Variants in AIRE observed in about 807,000 individuals in gnomAD.
The protein encoded by AIRE is autoimmune regulator.
Under a neutral mutation model 62.1 loss-of-function variants are expected in AIRE, and 52 were observed. The ratio of observed to expected loss-of-function variants is 0.84; its 90% CI spans 0.67 to 1.06. AIRE has a LOEUF of 1.06. Among genes scored for constraint, AIRE ranks in the 50% least tolerant of loss-of-function variants. AIRE has a pLI of 0.00. For synonymous variants in AIRE, 342 were observed against 321.6 expected, an observed-to-expected ratio of 1.06 and a Z score of -0.68; for missense variants, 774 against 755.8, an observed-to-expected ratio of 1.02 and a Z score of -0.28.
Position 44,286,080 on chromosome 21 carries a change from C to G in AIRE, c.74C>G (p.Ala25Gly), listed in dbSNP as rs1398217393. 6.5e-7 allele frequency: 1 copy of G among 1,545,158 alleles called. No homozygotes were observed. The highest frequency in any genetic ancestry group is 2.4e-5 in the East Asian group (1 of 40,884). ...RTEIAVAVDS[A>G]FPLLHALADH... ...GAGATCGCGGTGGCCGTGGACAGCG[C>G]CTTCCCACTGCTGCACGCGCTGGCT... The change falls in exon 1 of 14, where the codon GCC (alanine) becomes GGC (glycine). Residue 25 changes from alanine to glycine, a missense_variant. Transcript: ENST00000291582. This position sits in a 1 kb window ranked among gnomAD's most constrained non-coding sequence, Gnocchi z 6.0.
In AIRE at chr21:44,287,484, G is replaced by T; in HGVS notation, c.464-33G>T. 1.3e-6 allele frequency: 2 copies of T among 1,518,874 alleles called. No individual in the cohort carries two copies. Among genetic ancestry groups the T allele is most frequent in the Non-Finnish European group, 1.8e-6 (2 of 1,119,490 alleles). 94.1% of individuals were successfully genotyped at this position (1,518,874 alleles called of 1,614,324 possible). A position where few individuals can be genotyped will look rare whatever the true frequency, so the allele number is the denominator to read the frequency against. On this transcript the variant is annotated intron_variant, in intron 3 of 13. Coordinates refer to ENST00000291582, the MANE Select transcript of AIRE (RefSeq NM_000383.4). This position sits in a 1 kb window ranked among gnomAD's most constrained non-coding sequence, Gnocchi z 4.3. ...ACCGGCACTCACCCCCACTGAGAGG[G>T]GAGGCCAGGCTGCCCCCAGCTCCCC... is the stretch of plus-strand genomic sequence containing the variant.
chr21:44,286,766 T>G lies in AIRE; in HGVS notation c.307+35T>G, dbSNP rs763094492. ...GGTGGACTCAGCCATGCTGGGGGCC[T>G]GGGGCAGCTGCTGTCACCTGCTCAG... is the stretch of plus-strand genomic sequence containing the variant. On this transcript the variant is annotated intron_variant, in intron 2 of 13. Transcript: ENST00000291582. This position sits in a 1 kb window ranked among gnomAD's most constrained non-coding sequence, Gnocchi z 6.0. 2.8e-5 allele frequency: 45 copies of G among 1,608,996 alleles called. No homozygotes were observed. The highest frequency in any genetic ancestry group is 3.3e-4 in the Middle Eastern group (2 of 6,072).
rs376509445 is a variant in AIRE at position 44,297,452 on chromosome 21, T to C, written c.1567-204T>C. On this transcript the variant is annotated intron_variant, in intron 13 of 13. Coordinates refer to ENST00000291582, the MANE Select transcript of AIRE (RefSeq NM_000383.4). The surrounding 1 kb of genome is among the most constrained non-coding windows in gnomAD (Gnocchi z 4.8). ...GTGCCATGGGGACCTTGGGCCTCAG[T>C]TTCCCCACCTTTGATGGAATACGGT... is the stretch of plus-strand genomic sequence containing the variant. Among the ~76,000 whole-genome samples the C allele has an allele frequency of 2.0e-5, 3 of 152,170 alleles. No individual in the cohort carries two copies. The highest frequency in any genetic ancestry group is 7.2e-5 in the African/African-American group (3 of 41,432).
intron 9 of AIRE, 65 bp downstream of exon 9, chr21:44,292,466 G>C: frequency 1.8e-6 from 2 of 1,133,306 alleles, no homozygotes; most frequent in Non-Finnish European, 2.5e-6. Flanking sequence ...CCCCTCCTAG[G>C]CTGGGCCACC....
chr21:44,291,050 C>T (rs780919403), intron 7 of AIRE, 45 bp from the exon 8 acceptor site: 1 of 1,613,428 alleles, frequency 6.2e-7, no homozygotes, highest in Non-Finnish European at 8.5e-7. Flanking sequence ...CAGGAGGGTG[C>T]TGCACCCCAG....
chr21:44,293,294 A>G, intron 10 of AIRE, 119 bp downstream of exon 10: 1 of 409,590 alleles, frequency 2.4e-6, no homozygotes. Flanking sequence ...CGGGAGGCAC[A>G]GGGCCTGGGG....
At chr21:44,290,422 C>A in intron 7 of AIRE, 1 of 985,388 alleles carries the variant, frequency 1.0e-6, no homozygotes, top group Non-Finnish European at 1.2e-6. Flanking sequence ...TCGTCCCCAG[C>A]ATGGTTTCTT....
In AIRE at chr21:44,286,610, C is replaced by T. The variant is rs1457361560; in HGVS notation, c.186C>T (p.Leu62=). 1 of 1,612,990 alleles carries T rather than the reference C, an allele frequency of 6.2e-7. No individual in the cohort carries two copies. The highest frequency in any genetic ancestry group is 2.2e-5 in the East Asian group (1 of 44,884). ...GCTGCCCCCAGGCCTTCCACGCCCT[C>T]CTGTCCTGGCTGCTGACCCAGGACT... ...KEGCPQAFHA[L]LSWLLTQDST... is the part of the protein sequence containing the mutation. Residue 62 remains leucine (L), a synonymous_variant, in exon 2 of 14, where the codon CTC becomes CTT. Coordinates refer to ENST00000291582, the MANE Select transcript of AIRE (RefSeq NM_000383.4). This position sits in a 1 kb window ranked among gnomAD's most constrained non-coding sequence, Gnocchi z 6.0.
At chr21:44,293,314 G>A in intron 10 of AIRE, 139 bp downstream of exon 10, 1 of 711,138 alleles carries the variant, frequency 1.4e-6, no homozygotes, top group Non-Finnish European at 2.2e-6. Flanking sequence ...GCTGTGGGGG[G>A]AGCGTGGGGG....
chr21:44,289,850 C>G (rs2040518559), intron 6 of AIRE, 48 bp downstream of exon 6: 1 of 1,611,264 alleles, frequency 6.2e-7, no homozygotes, highest in East Asian at 2.2e-5. Context: ...ATGCCCCCCG[C>G]CCCAGGAACA....
chr21:44,292,111 C>A (rs778079549), intron 8 of AIRE, among the ~76,000 whole-genome samples, 191 bp from the exon 9 acceptor site: 12 of 152,170 alleles, frequency 7.9e-5, no homozygotes, highest in Non-Finnish European at 1.6e-4. Context: ...CTGGCCAGGG[C>A]CACCCCACGA....
chr21:44,287,648 G>A lies in AIRE; in HGVS notation c.538+57G>A, dbSNP rs2146377048. 1 of 1,502,734 alleles carries A rather than the reference G, an allele frequency of 6.7e-7. No individual in the cohort carries two copies. The highest frequency in any genetic ancestry group is 9.0e-7 in the Non-Finnish European group (1 of 1,105,030). 93.1% of individuals were successfully genotyped at this position (1,502,734 alleles called of 1,614,324 possible). A position where few individuals can be genotyped will look rare whatever the true frequency, so the allele number is the denominator to read the frequency against. ...CTCCCTGGCCAGGGGCAAGGGGTCA[G>A]GGGTCAGAGCAGGGCCTGCCCTCTG... On this transcript the variant is annotated intron_variant, in intron 4 of 13. Coordinates refer to ENST00000291582, the MANE Select transcript of AIRE (RefSeq NM_000383.4). This position sits in a 1 kb window ranked among gnomAD's most constrained non-coding sequence, Gnocchi z 4.3.
Position 44,285,946 on chromosome 21 carries a change from G to T in AIRE, c.-61G>T. The T allele has an allele frequency of 6.7e-7, 1 of 1,484,490 alleles. No individual in the cohort carries two copies. Among genetic ancestry groups the T allele is most frequent in the East Asian group, 2.7e-5 (1 of 36,398 alleles). 92.0% of individuals were successfully genotyped at this position (1,484,490 alleles called of 1,614,324 possible). A position where few individuals can be genotyped will look rare whatever the true frequency, so the allele number is the denominator to read the frequency against. ...CGCCGGGACCCGAGGCCAAGCGAGG[G>T]GCTGCCAGTGTCCCGGGACCCACCG... On this transcript the variant is annotated 5_prime_UTR_variant, in exon 1 of 14. Transcript: ENST00000291582.
chr21:44,293,894 G>A lies in AIRE; in HGVS notation c.1384G>A (p.Gly462Ser), dbSNP rs540790785. Residue 462 changes from glycine (G) to serine (S), a missense_variant, in exon 11 of 14, where the codon GGC (glycine) becomes AGC (serine). This residue lies in a region of AIRE where 354 missense variants were observed against 296.1 expected (regional missense o/e 1.20). Coordinates refer to ENST00000291582, the MANE Select transcript of AIRE (RefSeq NM_000383.4). ...AFHWRCHFPA[G>S]TSRPGTGLRC... ...CCACTGGCGCTGCCACTTCCCAGCC[G>A]GCACCTCCCGGCCCGGGTGAGTGAG... 33 of 1,596,516 alleles carry A rather than the reference G, an allele frequency of 2.1e-5. No homozygotes were observed. The highest frequency in any genetic ancestry group is 4.0e-5 in the African/African-American group (3 of 74,754).
chr21:44,293,126 A>ACTCCTCGGCCCTGCACCCCCTT lies in AIRE; in HGVS notation c.1250_1251insTCTCCTCGGCCCTGCACCCCCT (p.Cys419LeufsTer12), dbSNP rs2146383561. The ACTCCTCGGCCCTGCACCCCCTT allele has an allele frequency of 6.3e-7, 1 of 1,596,540 alleles. No homozygotes were observed. The highest frequency in any genetic ancestry group is 8.5e-7 in the Non-Finnish European group (1 of 1,172,456). ...TCTGCAGCCCCGCTGCCAGGGCTGGACTCCTCGGCCCTGCACCCCCTACTG... is the reference window on the plus strand; with the variant it reads ...TCTGCAGCCCCGCTGCCAGGGCTGGACTCCTCGGCCCTGCACCCCCTTCTCCTCGGCCCTGCACCCCCTACTG... On this transcript the variant is annotated frameshift_variant, in exon 10 of 14. Coordinates refer to ENST00000291582, the MANE Select transcript of AIRE (RefSeq NM_000383.4). LOFTEE classifies it high-confidence loss of function.
chr21:44,290,902 T>C (rs1213256737), intron 7 of AIRE, 193 bp from the exon 8 acceptor site: 1 of 1,610,474 alleles, frequency 6.2e-7, no homozygotes, highest in Admixed American at 1.7e-5. Flanking sequence ...GGGGTGTCTG[T>C]TGGAGACCAG....
chr21:44,287,138 C>A lies in AIRE; in HGVS notation c.463+5C>A, dbSNP rs569224551. ...CAAGGGGCACCGCCAGCCCAGGTAC[C>A]CTCCCTGCAGGGGAAGCCAGCCAGG... On this transcript the variant is annotated splice_donor_5th_base_variant and intron_variant, in intron 3 of 13. Coordinates refer to ENST00000291582, the MANE Select transcript of AIRE (RefSeq NM_000383.4). This position sits in a 1 kb window ranked among gnomAD's most constrained non-coding sequence, Gnocchi z 4.3. The A allele has an allele frequency of 1.5e-5, 24 of 1,612,038 alleles. No homozygotes were observed. The East Asian group carries it at 5.1e-4, about 34-fold the overall frequency.
chr21:44,287,483 G>A lies in AIRE; in HGVS notation c.464-34G>A, dbSNP rs551213280. ...CACCGGCACTCACCCCCACTGAGAG[G>A]GGAGGCCAGGCTGCCCCCAGCTCCC... On this transcript the variant is annotated intron_variant, in intron 3 of 13. Coordinates refer to ENST00000291582, the MANE Select transcript of AIRE (RefSeq NM_000383.4). This position sits in a 1 kb window ranked among gnomAD's most constrained non-coding sequence, Gnocchi z 4.3. 4.0e-6 allele frequency: 6 copies of A among 1,512,448 alleles called. No homozygotes were observed. In the African/African-American group the frequency reaches 6.9e-5, roughly 17 times the overall value. The allele number at this position is 1,512,448 out of a possible 1,614,324, so 93.7% of individuals were successfully genotyped here. A position where few individuals can be genotyped will look rare whatever the true frequency, so the allele number is the denominator to read the frequency against.
In AIRE at chr21:44,292,995, C is replaced by G. The variant is rs769360966; in HGVS notation, c.1098C>G (p.Leu366=). Residue 366 remains leucine (L), a splice_region_variant and synonymous_variant, in exon 10 of 14, where the codon CTC becomes CTG. Coordinates refer to ENST00000291582, the MANE Select transcript of AIRE (RefSeq NM_000383.4). ...TGATGCTGACCCTTGGGTTCCAGCT[C>G]CCCCCGGGGCTTAGGTCGGCGGGAG... is the stretch of plus-strand genomic sequence containing the variant. The part of the protein sequence containing the change: ...RPQEPPVETP[L]PPGLRSAGEE... The G allele has an allele frequency of 5.0e-6, 8 of 1,612,080 alleles. No homozygotes were observed. The highest frequency in any genetic ancestry group is 6.8e-6 in the Non-Finnish European group (8 of 1,179,630).
Sources: gnomAD v4.1 joint callset for allele counts (sites outside exome capture counted in the v4.1 genomes callset) on GRCh38, gnomAD v4.1.1 for gene constraint, gnomAD v4.1.1 regional missense constraint, Gnocchi (gnomAD v3.1) non-coding constraint, MANE v1.5 for transcripts, NCBI Gene and HGNC (gene_info 2026-07-23, HGNC 2026-07-21) for gene names.